CERS3: variants seen among roughly 807,000 people sequenced by gnomAD.
The protein encoded by CERS3 is ceramide synthase 3.
A neutral mutation model predicts 50.3 loss-of-function variants in CERS3; 33 were observed. The observed-to-expected ratio is 0.66, with a 90% CI of 0.50 to 0.88. CERS3 has a LOEUF of 0.88. CERS3 is among the 40% of genes least tolerant of loss of function. The pLI is 0.00. For missense variants in CERS3, 470 were observed against 460.3 expected, an observed-to-expected ratio of 1.02 and a Z score of -0.19; for synonymous variants, 176 against 155.2, an observed-to-expected ratio of 1.13 and a Z score of -0.99.
chr15:100,484,514 C>A, intron 5 of CERS3, 36 bp downstream of exon 5: 2 of 1,389,470 alleles, frequency 1.4e-6, no homozygotes, highest in Non-Finnish European at 2.1e-6. Flanking sequence ...CCAGATAGGA[C>A]GGCAGCATTC....
intron 11 of CERS3, among the ~76,000 whole-genome samples, chr15:100,415,777 C>T (rs1396548794): frequency 7.1e-6 from 1 of 140,652 alleles, no homozygotes; most frequent in African/African-American, 2.7e-5. Flanking sequence ...AAAACACACA[C>T]CAGGGCCTGT....
intron 11 of CERS3, among the ~76,000 whole-genome samples, chr15:100,411,153 C>T (rs187120320): frequency 2.6e-5 from 4 of 152,212 alleles, no homozygotes; most frequent in African/African-American, 4.8e-5. Flanking sequence ...AAATTTCCTT[C>T]GTTTTGTTTT....
intron 1 of CERS3, chr15:100,544,460 G>GCC (rs1567697426): frequency 2.1e-5 from 1 of 47,292 alleles, no homozygotes; most frequent in Admixed American, 2.1e-4. Context: ...CTCGGCCTAG[G>GCC]TCTGCGCGGG....
chr15:100,500,235 A>T (rs918574638), intron 3 of CERS3: 1 of 152,224 alleles, frequency 6.6e-6, no homozygotes, highest in Admixed American at 6.5e-5. Flanking sequence ...CACAATGGAA[A>T]AGGCTGAGAG....
chr15:100,488,782 GT>G (rs34460232), intron 4 of CERS3, among the ~76,000 whole-genome samples: 34 of 144,954 alleles, frequency 2.3e-4, no homozygotes, highest in East Asian at 2.0e-3. Flanking sequence ...ATATATAACT[GT>G]TTTTTTTTTT....
At chr15:100,484,400 A>G (rs932976028) in intron 5 of CERS3, 150 bp downstream of exon 5, 1 of 613,046 alleles carries the variant, frequency 1.6e-6, no homozygotes, top group Non-Finnish European at 2.9e-6. Flanking sequence ...AGAGAAGGCA[A>G]ATATGTGAGG....
intron 10 of CERS3, among the ~76,000 whole-genome samples, chr15:100,457,504 T>C (rs2142201778): frequency 6.6e-6 from 1 of 152,358 alleles, no homozygotes; most frequent in East Asian, 1.9e-4. Context: ...TGGTTATCAA[T>C]AGCATGCTCC....
chr15:100,542,018 C>T (rs1178707654), intron 1 of CERS3, among the ~76,000 whole-genome samples: 1 of 152,080 alleles, frequency 6.6e-6, no homozygotes, highest in Non-Finnish European at 1.5e-5. Context: ...GAAATATGGT[C>T]CATACTTTCA....
intron 1 of CERS3, among the ~76,000 whole-genome samples, chr15:100,541,403 C>T (rs72761217): frequency 0.5 from 76,022 of 151,822 alleles, 19,338 homozygotes; most frequent in South Asian, 0.6. Context: ...ACCCAGGAAG[C>T]GGAGGTTGCA....
intron 11 of CERS3, among the ~76,000 whole-genome samples, chr15:100,410,012 G>A (rs2031353765): frequency 6.6e-6 from 1 of 152,166 alleles, no homozygotes; most frequent in Admixed American, 6.5e-5. Context: ...TCCTACAGTA[G>A]CCGCCATTAC....
chr15:100,430,500 C>T (rs760696698), intron 11 of CERS3, among the ~76,000 whole-genome samples: 1 of 152,150 alleles, frequency 6.6e-6, no homozygotes. Flanking sequence ...AATCATAGTG[C>T]TGTGTTTTTG....
intron 1 of CERS3, among the ~76,000 whole-genome samples, chr15:100,528,380 G>A (rs1257623621): frequency 6.6e-6 from 1 of 152,156 alleles, no homozygotes; most frequent in Non-Finnish European, 1.5e-5. Context: ...AAAGATCTGT[G>A]CTGACCCCTT....
rs1335672012 is a variant in CERS3, at chr15:100,490,918, G to A, written c.187C>T (p.Pro63Ser). Residue 63 changes from proline (P) to serine (S), a missense_variant, in exon 4 of 12, where the codon CCT becomes TCT. Transcript: ENST00000679737. ...RRVFEKFVAS[P>S]LAKSFGIKET... ...TTAATGCCAAATGATTTTGCTAGAG[G>A]TGAAGCAACAAATCTACAAAAATAT... is the stretch of plus-strand genomic sequence containing the variant. 1.9e-6 allele frequency: 3 copies of A among 1,592,632 alleles called. No homozygotes were observed. The highest frequency in any genetic ancestry group is 1.7e-6 in the Non-Finnish European group (2 of 1,169,706).
chr15:100,446,893 T>A (rs1357816553), intron 11 of CERS3, among the ~76,000 whole-genome samples: 1 of 152,110 alleles, frequency 6.6e-6, no homozygotes. Context: ...TGACCATCAG[T>A]AACATTAAAA....
chr15:100,488,893 C>T (rs1296195238), intron 4 of CERS3, among the ~76,000 whole-genome samples: 1 of 151,904 alleles, frequency 6.6e-6, no homozygotes, highest in African/African-American at 2.4e-5. Context: ...CCTCCTGCCT[C>T]AGCCTCCCAA....
chr15:100,467,837 G>GTATATATA (rs1224034259), intron 10 of CERS3, among the ~76,000 whole-genome samples: 21 of 56,382 alleles, frequency 3.7e-4, no homozygotes, highest in Admixed American at 2.0e-3. Context: ...ATATATACGT[G>GTATATATA]TATATATATA....
upstream of CERS3, among the ~76,000 whole-genome samples, chr15:100,533,564 T>C (rs11857796): frequency 5.1e-3 from 115 of 22,750 alleles, 3 homozygotes; most frequent in East Asian, 0.042. Context: ...CTCTCTCTCT[T>C]TTTTTTTTTT....
chr15:100,470,309 C>G (rs895868327), intron 9 of CERS3, among the ~76,000 whole-genome samples: 2 of 152,114 alleles, frequency 1.3e-5, no homozygotes, highest in African/African-American at 4.8e-5. Flanking sequence ...GCTCAAGGCC[C>G]TTCCAGAGCA....
intron 3 of CERS3, among the ~76,000 whole-genome samples, chr15:100,497,336 GTA>G (rs1491360422): frequency 1.3e-5 from 2 of 149,410 alleles, no homozygotes; most frequent in African/African-American, 2.5e-5. Context: ...GTGTGTGTGT[GTA>G]TGTATATATA....
Sources: allele counts gnomAD v4.1 joint callset (sites outside exome capture counted in the v4.1 genomes callset), GRCh38; gene constraint gnomAD v4.1.1; transcripts MANE v1.5; gene names NCBI Gene and HGNC (gene_info 2026-07-23, HGNC 2026-07-21).